The following TMTC2 variants were observed in gnomAD, a reference collection of about 807,000 sequenced individuals.
TMTC2 encodes the protein transmembrane O-mannosyltransferase targeting cadherins 2.
TMTC2 carries 43 observed loss-of-function variants against 82.4 expected under a neutral mutation model. That is an observed-to-expected ratio of 0.52 (90% CI 0.41 to 0.67). TMTC2 has a LOEUF of 0.67. TMTC2 is among the 30% of genes least tolerant of loss of function. The pLI, the probability that TMTC2 is intolerant of heterozygous loss-of-function variation, is 0.00. For missense variants in TMTC2, 919 were observed against 1,012.4 expected (o/e 0.91, Z 1.25); for synonymous variants, 408 against 381.9 (o/e 1.07, Z -0.80).
intron 4 of TMTC2, among the ~76,000 whole-genome samples, chr12:82,960,763 T>G (rs1328172049): frequency 1.3e-5 from 2 of 151,628 alleles, no homozygotes; most frequent in African/African-American, 4.8e-5. Flanking sequence ...GTAAGAAACC[T>G]GTACATGAAC....
At chr12:82,873,213 T>TTGTGTGTGTGTGTGTG (rs35177760) in intron 2 of TMTC2, among the ~76,000 whole-genome samples, 129 of 143,636 alleles carry the variant, frequency 9.0e-4, no homozygotes, top group African/African-American at 3.2e-3. Flanking sequence ...TTCAAAGATG[T>TTGTGTGTGTGTGTGTG]TGTGTGTGTG....
At chr12:82,859,146 C>T (rs1416605267) in intron 2 of TMTC2, among the ~76,000 whole-genome samples, 1 of 151,384 alleles carries the variant, frequency 6.6e-6, no homozygotes, top group South Asian at 2.1e-4. Flanking sequence ...CGGCTCACTG[C>T]AACCTCCGCC....
At chr12:82,970,346 A>T (rs1176130636) in intron 7 of TMTC2, among the ~76,000 whole-genome samples, 1 of 152,206 alleles carries the variant, frequency 6.6e-6, no homozygotes, top group Non-Finnish European at 1.5e-5. Flanking sequence ...GCTTTTTGAG[A>T]CGGAGTCTCG....
At chr12:83,086,931 C>A (rs1266213865) in intron 11 of TMTC2, among the ~76,000 whole-genome samples, 1 of 152,168 alleles carries the variant, frequency 6.6e-6, no homozygotes, top group Non-Finnish European at 1.5e-5. Context: ...GCAGTTTCTT[C>A]AAATAAGACA....
intron 4 of TMTC2, among the ~76,000 whole-genome samples, chr12:82,933,378 T>C (rs955118663): frequency 2.6e-5 from 4 of 152,152 alleles, no homozygotes; most frequent in Non-Finnish European, 4.4e-5. Flanking sequence ...TTTCTACTTA[T>C]TTGCATAGGT....
At chr12:83,038,514 A>G (rs1341665173) in intron 9 of TMTC2, among the ~76,000 whole-genome samples, 1 of 152,182 alleles carries the variant, frequency 6.6e-6, no homozygotes, top group African/African-American at 2.4e-5. Context: ...TGTTACAGGT[A>G]AAATGGGAAA....
At chr12:82,791,980 C>T (rs545965113) in intron 1 of TMTC2, among the ~76,000 whole-genome samples, 1 of 152,258 alleles carries the variant, frequency 6.6e-6, no homozygotes, top group South Asian at 2.1e-4. Flanking sequence ...CGTATACTTC[C>T]CTGCCCCATG....
intron 1 of TMTC2, among the ~76,000 whole-genome samples, chr12:82,840,531 T>A (rs1170425105): frequency 5.3e-5 from 8 of 152,224 alleles, no homozygotes; most frequent in South Asian, 2.1e-4. Context: ...GAAAAAATAT[T>A]ATTTTATTGG....
At chr12:83,131,591 T>G (rs528936083) in intron 11 of TMTC2, among the ~76,000 whole-genome samples, 1 of 152,218 alleles carries the variant, frequency 6.6e-6, no homozygotes, top group Admixed American at 6.5e-5. Context: ...TAAACATTCA[T>G]CATTACAGGT....
chr12:83,057,152 A>C (rs1882574521), intron 10 of TMTC2, among the ~76,000 whole-genome samples: 2 of 151,758 alleles, frequency 1.3e-5, no homozygotes, highest in East Asian at 1.9e-4. Context: ...CTCTCTTTTA[A>C]TTTTTCCCAC....
intron 3 of TMTC2, among the ~76,000 whole-genome samples, chr12:82,900,876 G>A (rs1470426271): frequency 8.9e-6 from 1 of 111,956 alleles, no homozygotes; most frequent in African/African-American, 3.3e-5. Context: ...TATATATATA[G>A]GAATATATAT....
intron 1 of TMTC2, among the ~76,000 whole-genome samples, chr12:82,730,905 A>G (rs946478509): frequency 2.6e-5 from 4 of 152,230 alleles, no homozygotes; most frequent in African/African-American, 7.2e-5. Flanking sequence ...TTTCAAGTAT[A>G]TAAGTCGTTT....
intron 10 of TMTC2, among the ~76,000 whole-genome samples, chr12:83,058,741 T>G (rs1882635700): frequency 6.6e-6 from 1 of 151,896 alleles, no homozygotes; most frequent in Non-Finnish European, 1.5e-5. Context: ...TTGGTCAGAA[T>G]GCAAAGTTGT....
chr12:82,720,049 G>A (rs1360663796), intron 1 of TMTC2, among the ~76,000 whole-genome samples: 2 of 152,020 alleles, frequency 1.3e-5, no homozygotes, highest in Non-Finnish European at 2.9e-5. Flanking sequence ...TGTTTCTTGG[G>A]AGGAGGAACA....
chr12:82,765,738 G>C (rs1323512524), intron 1 of TMTC2, among the ~76,000 whole-genome samples: 1 of 151,862 alleles, frequency 6.6e-6, no homozygotes, highest in East Asian at 1.9e-4. Context: ...GAAAAAACAG[G>C]TACCTTGCTA....
intron 4 of TMTC2, among the ~76,000 whole-genome samples, chr12:82,964,608 A>C (rs1381376883): frequency 6.6e-5 from 10 of 152,134 alleles, no homozygotes; most frequent in Non-Finnish European, 1.3e-4. Context: ...CCCAAGCAAC[A>C]CAGCTAGTGA....
intron 4 of TMTC2, among the ~76,000 whole-genome samples, chr12:82,935,492 C>T (rs1289530002): frequency 2.0e-5 from 3 of 152,080 alleles, no homozygotes; most frequent in African/African-American, 4.8e-5. Flanking sequence ...GCAGATGAAT[C>T]GTGGCTCAGT....
At chr12:82,861,748 G>A (rs1230602585) in intron 2 of TMTC2, among the ~76,000 whole-genome samples, 1 of 152,144 alleles carries the variant, frequency 6.6e-6, no homozygotes, top group Non-Finnish European at 1.5e-5. Flanking sequence ...TTTGTCAGTA[G>A]TTAATTTTGT....
intron 1 of TMTC2, among the ~76,000 whole-genome samples, chr12:82,696,069 A>G (rs964528249): frequency 6.6e-6 from 1 of 152,162 alleles, no homozygotes; most frequent in Non-Finnish European, 1.5e-5. Context: ...ATAATTAACT[A>G]TACAACTGTT....
Sources: allele counts gnomAD v4.1 joint callset (sites outside exome capture counted in the v4.1 genomes callset), GRCh38; gene constraint gnomAD v4.1.1; transcripts MANE v1.5; gene names NCBI Gene and HGNC (gene_info 2026-07-23, HGNC 2026-07-21).